TNKS2: variants seen among roughly 807,000 people sequenced by gnomAD.
TNKS2 encodes poly [ADP-ribose] polymerase tankyrase-2.
TNKS2 carries 72 observed loss-of-function variants against 137.6 expected under a neutral mutation model. The ratio of observed to expected loss-of-function variants is 0.52; its 90% CI spans 0.43 to 0.64. The LOEUF is 0.64. Ranked by LOEUF, TNKS2 falls within the 30% of genes least tolerant of loss-of-function variation. TNKS2 has a pLI of 0.00. For synonymous variants in TNKS2, 516 were observed against 512.1 expected (o/e 1.01, Z -0.10); for missense variants, 1,049 against 1,410.2 (o/e 0.74, Z 4.10).
chr10:91,801,418 C>T (rs2133580808), intron 1 of TNKS2, among the ~76,000 whole-genome samples: 1 of 151,850 alleles, frequency 6.6e-6, no homozygotes, highest in East Asian at 1.9e-4. Flanking sequence ...AAATTGTTTC[C>T]TTTTCAGTCC....
chr10:91,836,692 T>C (rs1261748945), intron 12 of TNKS2: 2 of 985,172 alleles, frequency 2.0e-6, no homozygotes, highest in Non-Finnish European at 2.4e-6. Context: ...TTTATAATCA[T>C]TATACACATT....
Position 91,864,852 on chromosome 10 carries a change from C to G in TNKS2, c.*1853C>G, listed in dbSNP as rs974540826. ...GGTTTATATTTACATTATCTCTCAA[C>G]TATGTAGCCCATATTACTCACCCTA... On this transcript the variant is annotated 3_prime_UTR_variant, in exon 27 of 27. Transcript: ENST00000371627. 1.3e-5 allele frequency: 2 copies of G among 152,564 alleles called. No homozygotes were observed. The highest frequency in any genetic ancestry group is 4.1e-4 in the South Asian group (2 of 4,826). 9.5% of individuals were successfully genotyped at this position (152,564 alleles called of 1,614,324 possible).
At chr10:91,846,264 A>C (rs1842367632) in intron 18 of TNKS2, among the ~76,000 whole-genome samples, 1 of 152,224 alleles carries the variant, frequency 6.6e-6, no homozygotes, top group South Asian at 2.1e-4. Flanking sequence ...CTTATAGTGC[A>C]TACAGCGCAG....
At position 91,848,533 on chromosome 10, in the gene TNKS2, G is replaced by A. The variant is rs376200055; in HGVS notation, c.2509G>A (p.Ala837Thr). The change falls in exon 19 of 27, where the codon GCA becomes ACA. Residue 837 changes from alanine to threonine, a missense_variant. Ala to Thr is a moderately conservative substitution (Grantham distance 58, BLOSUM62 0). Transcript: ENST00000371627. ...SGPSSPSSLS[A>T]ASSLDNLSGS... is the part of the protein sequence containing the mutation. ...TCCATCTAGCCCATCAAGCCTTTCT[G>A]CAGCCAGCAGTCTTGACAACTTATC... 2 of 1,614,112 alleles carry A rather than the reference G, an allele frequency of 1.2e-6. No homozygotes were observed. The highest frequency in any genetic ancestry group is 8.5e-7 in the Non-Finnish European group (1 of 1,180,030).
intron 5 of TNKS2, 129 bp downstream of exon 5, chr10:91,819,686 G>A (rs1844823157): frequency 3.6e-6 from 3 of 839,240 alleles, no homozygotes; most frequent in South Asian, 2.2e-5. Flanking sequence ...AGTATTTTCA[G>A]TATTTCAAAT....
chr10:91,840,499 C>T, intron 13 of TNKS2, 62 bp from the exon 14 acceptor site: 1 of 1,472,058 alleles, frequency 6.8e-7, no homozygotes, highest in South Asian at 1.3e-5. Flanking sequence ...TACTAAATGA[C>T]TTGAAACAAG....
intron 21 of TNKS2, among the ~76,000 whole-genome samples, chr10:91,852,897 A>T (rs1770470): frequency 0.7 from 106,241 of 152,152 alleles, 38,277 homozygotes; most frequent in East Asian, 0.91. Context: ...TAGGATAAGA[A>T]ATTTAAAGTG....
At chr10:91,798,950 C>A in intron 1 of TNKS2, 61 bp downstream of exon 1, 6 of 1,307,844 alleles carry the variant, frequency 4.6e-6, no homozygotes, top group Non-Finnish European at 5.9e-6. Flanking sequence ...CCGGGGCCCA[C>A]AGGTCTGAAA....
At position 91,811,551 on chromosome 10, in the gene TNKS2, A is replaced by G. The variant is rs527245552; in HGVS notation, c.200-1432A>G. ...AGCTCTTTGAGAGGAGGAAGAATCAAAGATACAAAGATACTCATCTTTGTG... is the reference window on the plus strand; with the variant it reads ...AGCTCTTTGAGAGGAGGAAGAATCAGAGATACAAAGATACTCATCTTTGTG... On this transcript the variant is annotated intron_variant, in intron 1 of 26. Coordinates refer to ENST00000371627, the MANE Select transcript of TNKS2 (RefSeq NM_025235.4). Among the ~76,000 whole-genome samples the G allele has an allele frequency of 3.9e-5, 6 of 152,224 alleles. No homozygotes were observed. In the East Asian group the frequency reaches 1.2e-3, roughly 29 times the overall value.
At chr10:91,835,030 G>A (rs1841954109) in intron 12 of TNKS2, among the ~76,000 whole-genome samples, 1 of 152,102 alleles carries the variant, frequency 6.6e-6, no homozygotes, top group African/African-American at 2.4e-5. Context: ...TTTACAGTCA[G>A]AATATATGAA....
At position 91,840,586 on chromosome 10, in the gene TNKS2, A is replaced by G. The variant is rs753314825; in HGVS notation, c.1553A>G (p.Asn518Ser). The G allele has an allele frequency of 8.1e-6, 13 of 1,614,062 alleles. No individual in the cohort carries two copies. The South Asian group carries it at 1.4e-4, about 18-fold the overall frequency. Residue 518 changes from asparagine to serine, a missense_variant, in exon 14 of 27, where the codon AAC (asparagine) becomes AGC (serine). Asn to Ser is a conservative substitution (Grantham distance 46, BLOSUM62 1). This residue lies in a region of TNKS2 where 328 missense variants were observed against 436.0 expected (regional missense o/e 0.75). Transcript: ENST00000371627. ...VKKLCTVQSV[N>S]CRDIEGRQST... ...AAACTGTGTACTGTTCAGAGTGTCAACTGCAGAGACATTGAAGGGCGTCAG... is the reference window on the plus strand; with the variant it reads ...AAACTGTGTACTGTTCAGAGTGTCAGCTGCAGAGACATTGAAGGGCGTCAG...
chr10:91,824,457 G>A (rs1738010274), intron 7 of TNKS2, among the ~76,000 whole-genome samples: 1 of 152,174 alleles, frequency 6.6e-6, no homozygotes, highest in African/African-American at 2.4e-5. Flanking sequence ...CATAATCTCT[G>A]AATACTAGGA....
At chr10:91,802,747 C>G (rs1844209302) in intron 1 of TNKS2, among the ~76,000 whole-genome samples, 2 of 152,342 alleles carry the variant, frequency 1.3e-5, no homozygotes, top group African/African-American at 4.8e-5. Flanking sequence ...ATCATAGTTA[C>G]AAGAGATGCA....
intron 1 of TNKS2, among the ~76,000 whole-genome samples, chr10:91,803,927 G>C (rs1171891255): frequency 6.6e-6 from 1 of 152,112 alleles, no homozygotes; most frequent in African/African-American, 2.4e-5. Flanking sequence ...GACAGGAGGG[G>C]GATAGCATTT....
chr10:91,801,396 A>T (rs1844160994), intron 1 of TNKS2, among the ~76,000 whole-genome samples: 1 of 152,286 alleles, frequency 6.6e-6, no homozygotes, highest in Non-Finnish European at 1.5e-5. Flanking sequence ...CTTAGGAGAA[A>T]AATGACTCTG....
At chr10:91,844,539 A>G (rs531605785) in intron 16 of TNKS2, among the ~76,000 whole-genome samples, 103 of 152,220 alleles carry the variant, frequency 6.8e-4, no homozygotes, top group African/African-American at 2.4e-3. Flanking sequence ...TCTGAGACCC[A>G]TGTACCTGAG....
At chr10:91,799,335 G>A (rs903315133) in intron 1 of TNKS2, among the ~76,000 whole-genome samples, 1 of 152,156 alleles carries the variant, frequency 6.6e-6, no homozygotes, top group Admixed American at 6.5e-5. Flanking sequence ...TAAAATACAA[G>A]GATGTAATTT....
chr10:91,844,911 T>G lies in TNKS2; in HGVS notation c.2060-8T>G. The G allele has an allele frequency of 6.3e-7, 1 of 1,588,210 alleles. No homozygotes were observed. Among genetic ancestry groups the G allele is most frequent in the Non-Finnish European group, 8.6e-7 (1 of 1,163,996 alleles). On this transcript the variant is annotated splice_region_variant and splice_polypyrimidine_tract_variant and intron_variant, in intron 16 of 26. Transcript: ENST00000371627. Reference sequence around the variant, plus strand: ...AAGTAAAGTAATTTTACTTCTTTTCTAAATTAGCTGGTTATAATAATTTAG... The same window carrying G: ...AAGTAAAGTAATTTTACTTCTTTTCGAAATTAGCTGGTTATAATAATTTAG...
At chr10:91,823,014 C>T (rs1589660409) in intron 7 of TNKS2, among the ~76,000 whole-genome samples, 2 of 150,282 alleles carry the variant, frequency 1.3e-5, no homozygotes, top group East Asian at 4.0e-4. Context: ...GATTGCACCA[C>T]TGCACTCCAG....
Sources: gnomAD v4.1 joint callset for allele counts (sites outside exome capture counted in the v4.1 genomes callset) on GRCh38, gnomAD v4.1.1 for gene constraint, gnomAD v4.1.1 regional missense constraint, MANE v1.5 for transcripts, NCBI Gene and HGNC (gene_info 2026-07-23, HGNC 2026-07-21) for gene names.